ASPH: variants seen among roughly 807,000 people sequenced by gnomAD.
The protein encoded by ASPH is aspartate beta-hydroxylase.
Under a neutral mutation model 118.4 loss-of-function variants are expected in ASPH, and 100 were observed. The ratio of observed to expected loss-of-function variants is 0.84; its 90% CI spans 0.72 to 1.00. ASPH has a LOEUF of 1.00. ASPH is among the 50% of genes least tolerant of loss of function. The pLI is 0.00. For synonymous variants in ASPH, 315 were observed against 325.6 expected, an observed-to-expected ratio of 0.97 and a Z score of 0.35; for missense variants, 920 against 919.5, an observed-to-expected ratio of 1.00 and a Z score of -0.01.
At chr8:61,559,384 G>A (rs1409558945) in intron 18 of ASPH, among the ~76,000 whole-genome samples, 1 of 152,146 alleles carries the variant, frequency 6.6e-6, no homozygotes, top group Non-Finnish European at 1.5e-5. Context: ...AACTGCCCAG[G>A]AGGTTAGCAT....
At chr8:61,586,363 C>G (rs1839449952) in intron 14 of ASPH, among the ~76,000 whole-genome samples, 1 of 152,200 alleles carries the variant, frequency 6.6e-6, no homozygotes, top group Non-Finnish European at 1.5e-5. Context: ...ATACCTCAAA[C>G]TCAGTAAATA....
At chr8:61,503,624 C>A (rs1805353837) in intron 24 of ASPH, 115 bp from the exon 25 acceptor site, 3 of 972,536 alleles carry the variant, frequency 3.1e-6, no homozygotes, top group Non-Finnish European at 2.9e-6. Context: ...GGGACATAAC[C>A]AAATAACTAG....
At chr8:61,666,819 G>A (rs1339770856) in intron 3 of ASPH, among the ~76,000 whole-genome samples, 1 of 152,092 alleles carries the variant, frequency 6.6e-6, no homozygotes, top group African/African-American at 2.4e-5. Context: ...CTACTTCAAT[G>A]CGTTTGGACA....
chr8:61,557,009 T>A (rs1828111647), intron 18 of ASPH, among the ~76,000 whole-genome samples: 1 of 152,178 alleles, frequency 6.6e-6, no homozygotes, highest in South Asian at 2.1e-4. Context: ...ACCTCATCGA[T>A]TAGCAAATCT....
chr8:61,593,711 G>C (rs1841812299), intron 14 of ASPH, among the ~76,000 whole-genome samples: 1 of 152,102 alleles, frequency 6.6e-6, no homozygotes, highest in African/African-American at 2.4e-5. Context: ...TCCTTTAACA[G>C]ATGTGACCCC....
At chr8:61,559,121 T>A (rs1828906652) in intron 18 of ASPH, among the ~76,000 whole-genome samples, 1 of 152,228 alleles carries the variant, frequency 6.6e-6, no homozygotes, top group Admixed American at 6.5e-5. Context: ...ATACTATGCA[T>A]ACTAATTACA....
At chr8:61,626,122 G>T in intron 13 of ASPH, 1 of 1,251,584 alleles carries the variant, frequency 8.0e-7, no homozygotes, top group Non-Finnish European at 1.0e-6. Flanking sequence ...AAATGCCAGT[G>T]GACTATAATT....
intron 22 of ASPH, among the ~76,000 whole-genome samples, chr8:61,520,993 G>T (rs1221801412): frequency 6.6e-6 from 1 of 152,154 alleles, no homozygotes; most frequent in Non-Finnish European, 1.5e-5. Context: ...AGTAGACTCT[G>T]GGCATTCATG....
At chr8:61,597,128 T>C (rs962530073) in intron 14 of ASPH, among the ~76,000 whole-genome samples, 3 of 133,312 alleles carry the variant, frequency 2.3e-5, no homozygotes, top group Admixed American at 8.2e-5. Context: ...CCATCAACAA[T>C]AGACTAGATT....
chr8:61,605,034 C>T (rs866426936), intron 14 of ASPH, among the ~76,000 whole-genome samples: 1 of 152,176 alleles, frequency 6.6e-6, no homozygotes, highest in East Asian at 1.9e-4. Flanking sequence ...CATAACTTAA[C>T]GCTTTAATGA....
In ASPH at chr8:61,565,890, T is replaced by G. The variant is rs78719243; in HGVS notation, c.1300+1278A>C. The stretch of plus-strand genomic sequence containing the variant: ...AAAAACCTGGGGCCCTTAAAAATTA[T>G]GCTAAATCTACTCTACTTGTGCTCT... On this transcript the variant is annotated intron_variant, in intron 17 of 24. Transcript: ENST00000379454. Among the ~76,000 whole-genome samples, 218 of 152,334 alleles carry G rather than the reference T, an allele frequency of 1.4e-3. 1 individual carries two copies. In the East Asian group the frequency reaches 0.032, roughly 22 times the overall value.
chr8:61,669,383 AC>A (rs1276454193), intron 3 of ASPH, among the ~76,000 whole-genome samples: 1 of 152,194 alleles, frequency 6.6e-6, no homozygotes, highest in Admixed American at 6.5e-5. Context: ...AGTATCTCTT[AC>A]CACTGACAAC....
In ASPH at chr8:61,709,152, T is replaced by C. The variant is rs1256375451; in HGVS notation, c.103+5117A>G. Among the ~76,000 whole-genome samples, 2 of 152,198 alleles carry C rather than the reference T, an allele frequency of 1.3e-5. 1 individual carries two copies. The highest frequency in any genetic ancestry group is 4.8e-5 in the African/African-American group (2 of 41,454). ...TAGGAACTGAATTACATTCAGTGATTTGCCGTTAAAAGATAACCACATCAG... is the reference window on the plus strand; with the variant it reads ...TAGGAACTGAATTACATTCAGTGATCTGCCGTTAAAAGATAACCACATCAG... On this transcript the variant is annotated intron_variant, in intron 1 of 24. Transcript: ENST00000379454.
intron 19 of ASPH, among the ~76,000 whole-genome samples, chr8:61,554,368 C>T (rs1400186093): frequency 6.6e-6 from 1 of 152,126 alleles, no homozygotes; most frequent in Non-Finnish European, 1.5e-5. Context: ...TAGAACCATG[C>T]CAGCCAAATA....
rs573122479 is a variant in ASPH at position 61,668,711 on chromosome 8, T to C, written c.322+12257A>G. 7.9e-5 allele frequency among the ~76,000 whole-genome samples: 12 copies of C among 152,324 alleles called. No homozygotes were observed. The South Asian group carries it at 2.5e-3, about 32-fold the overall frequency. On this transcript the variant is annotated intron_variant, in intron 3 of 24. Coordinates refer to ENST00000379454, the MANE Select transcript of ASPH (RefSeq NM_004318.4). ...GGATAGCATATTTTGATAGAGTTCA[T>C]CTTTACTGTTTGAACAATCACTGCT...
chr8:61,579,780 A>G, intron 15 of ASPH: 1 of 766,170 alleles, frequency 1.3e-6, no homozygotes, highest in Admixed American at 1.9e-5. Context: ...CCTGAGGCTC[A>G]GCCCTAGCCC....
At chr8:61,513,001 G>T (rs892117382) in intron 24 of ASPH, among the ~76,000 whole-genome samples, 15 of 152,194 alleles carry the variant, frequency 9.9e-5, no homozygotes, top group African/African-American at 3.4e-4. Context: ...ATTTACAGTG[G>T]TAAGGGCTGC....
intron 1 of ASPH, among the ~76,000 whole-genome samples, chr8:61,692,658 G>T (rs758059408): frequency 3.9e-5 from 6 of 152,046 alleles, no homozygotes; most frequent in Non-Finnish European, 7.4e-5. Flanking sequence ...CCCTCACCCC[G>T]GATCAGCTAT....
Position 61,633,677 on chromosome 8 carries a change from T to G in ASPH, c.934+6A>C. 6.3e-7 allele frequency: 1 copy of G among 1,594,752 alleles called. No homozygotes were observed. Among genetic ancestry groups the G allele is most frequent in the Non-Finnish European group, 8.5e-7 (1 of 1,170,562 alleles). On this transcript the variant is annotated splice_donor_region_variant and intron_variant, in intron 13 of 24. Transcript: ENST00000379454. The stretch of plus-strand genomic sequence containing the variant: ...AGAGGAAAATACAACATACAAAATG[T>G]CATACCTGGTGGTACTTCCTGCTGT...
Sources: allele counts gnomAD v4.1 joint callset (sites outside exome capture counted in the v4.1 genomes callset), GRCh38; gene constraint gnomAD v4.1.1; transcripts MANE v1.5; gene names NCBI Gene and HGNC (gene_info 2026-07-23, HGNC 2026-07-21).